The following WNK1 variants were observed in gnomAD, a reference collection of about 807,000 sequenced individuals.
The protein encoded by WNK1 is serine/threonine-protein kinase WNK1.
Under a neutral mutation model 222.8 loss-of-function variants are expected in WNK1, and 38 were observed. The observed-to-expected ratio is 0.17, with a 90% CI of 0.13 to 0.22. WNK1 has a LOEUF of 0.22. Ranked by LOEUF, WNK1 falls within the 10% of genes least tolerant of loss-of-function variation. The pLI is 1.00. For synonymous variants in WNK1, 1,090 were observed against 1,092.9 expected, an observed-to-expected ratio of 1.00 and a Z score of 0.05; for missense variants, 2,348 against 2,918.4, an observed-to-expected ratio of 0.80 and a Z score of 4.50.
chr12:785,321 A>G (rs550912954), intron 1 of WNK1, among the ~76,000 whole-genome samples: 25 of 151,646 alleles, frequency 1.6e-4, no homozygotes, highest in African/African-American at 5.8e-4. Context: ...TCTGTTTTTT[A>G]TGTTGCCCCT....
intron 8 of WNK1, among the ~76,000 whole-genome samples, chr12:864,123 T>TTTTTTTTTTTTC (rs71051398): frequency 6.8e-6 from 1 of 147,216 alleles, no homozygotes; most frequent in Non-Finnish European, 1.5e-5. Flanking sequence ...TTTTTTTTTT[T>TTTTTTTTTTTTC]TTTTGACAGC....
At chr12:888,513 G>C (rs967881413) in intron 20 of WNK1, among the ~76,000 whole-genome samples, 2 of 152,184 alleles carry the variant, frequency 1.3e-5, no homozygotes, top group Non-Finnish European at 1.5e-5. Context: ...GACTGTGCAA[G>C]AATAGATTGA....
At chr12:906,073 G>A (rs16932013) in intron 26 of WNK1, among the ~76,000 whole-genome samples, 2,641 of 152,300 alleles carry the variant, frequency 0.017, 87 homozygotes, top group African/African-American at 0.061. Flanking sequence ...TGGCAGGATT[G>A]CGTTAGGTGT....
chr12:764,958 C>T (rs1941503149), intron 1 of WNK1, among the ~76,000 whole-genome samples: 1 of 147,332 alleles, frequency 6.8e-6, no homozygotes, highest in African/African-American at 2.4e-5. Flanking sequence ...GCCTCAGCCT[C>T]CTGAGTAGCT....
intron 4 of WNK1, chr12:851,818 A>G: frequency 7.8e-7 from 1 of 1,288,074 alleles, no homozygotes; most frequent in Non-Finnish European, 1.0e-6. Flanking sequence ...AACAGTTTAT[A>G]TTGTAGCCTT....
intron 1 of WNK1, among the ~76,000 whole-genome samples, chr12:808,333 G>T (rs1946572075): frequency 6.6e-6 from 1 of 151,768 alleles, no homozygotes; most frequent in Admixed American, 6.6e-5. Flanking sequence ...TATGTTGTAG[G>T]CTGGTCTCAA....
intron 4 of WNK1, among the ~76,000 whole-genome samples, chr12:832,261 G>C (rs1390442031): frequency 3.3e-5 from 5 of 152,054 alleles, no homozygotes; most frequent in African/African-American, 1.2e-4. Flanking sequence ...ATTTTTAGTA[G>C]AGATGGGGTT....
intron 1 of WNK1, among the ~76,000 whole-genome samples, chr12:799,399 G>A (rs1312947552): frequency 2.6e-5 from 4 of 151,596 alleles, no homozygotes; most frequent in Admixed American, 2.0e-4. Flanking sequence ...CCAAAGTGCT[G>A]GGATTACAGG....
At chr12:834,391 GACTTTAT>G (rs908757676) in intron 4 of WNK1, among the ~76,000 whole-genome samples, 1 of 152,202 alleles carries the variant, frequency 6.6e-6, no homozygotes, top group African/African-American at 2.4e-5. Context: ...TGGTGAAAGA[GACTTTAT>G]CTGTTTATAG....
intron 4 of WNK1, among the ~76,000 whole-genome samples, chr12:844,757 G>C (rs1360306167): frequency 3.3e-5 from 5 of 151,942 alleles, no homozygotes; most frequent in African/African-American, 1.2e-4. Context: ...TTTCCTAAAA[G>C]TTTTCTTATG....
chr12:896,497 C>G lies in WNK1; in HGVS notation c.6010C>G (p.Pro2004Ala). The G allele has an allele frequency of 6.2e-7, 1 of 1,613,774 alleles. No homozygotes were observed. The highest frequency in any genetic ancestry group is 1.1e-5 in the South Asian group (1 of 91,046). Residue 2004 changes from proline (P) to alanine (A), a missense_variant, in exon 24 of 28, where the codon CCT becomes GCT. Physicochemically the swap from Pro to Ala is conservative, Grantham distance 27. Around this residue, in one of 13 missense-constraint regions of WNK1, gnomAD observed 1,144 missense variants for 1,273.6 expected, o/e 0.90. Coordinates refer to ENST00000315939, the MANE Select transcript of WNK1 (RefSeq NM_018979.4). Reference protein sequence around the residue: ...PKKEKPELSEPSHLNGPSSDP... With the variant: ...PKKEKPELSEASHLNGPSSDP... Reference sequence around the variant, plus strand: ...GAAAGAGAAGCCTGAACTGTCAGAGCCTTCACATCTAAATGGGCCGTCTTC... The same window carrying G: ...GAAAGAGAAGCCTGAACTGTCAGAGGCTTCACATCTAAATGGGCCGTCTTC...
intron 26 of WNK1, among the ~76,000 whole-genome samples, chr12:905,509 C>T (rs935632313): frequency 1.3e-5 from 2 of 152,158 alleles, no homozygotes; most frequent in African/African-American, 2.4e-5. Context: ...GCAATGGTCA[C>T]GCCTCCTGAG....
At chr12:847,015 A>G (rs1452245558) in intron 4 of WNK1, among the ~76,000 whole-genome samples, 1 of 152,196 alleles carries the variant, frequency 6.6e-6, no homozygotes, top group African/African-American at 2.4e-5. Context: ...AAGTTCCAGT[A>G]CTAGGGGGCT....
At chr12:804,522 G>A (rs1365361407) in intron 1 of WNK1, among the ~76,000 whole-genome samples, 6 of 151,296 alleles carry the variant, frequency 4.0e-5, no homozygotes, top group Admixed American at 6.6e-5. Context: ...ACAGGCTCCC[G>A]CTGCCACGCC....
At position 879,576 on chromosome 12, in the gene WNK1, C is replaced by A. The variant is rs1338926149; in HGVS notation, c.2377C>A (p.Pro793Thr). The A allele has an allele frequency of 2.7e-6, 4 of 1,508,270 alleles. No individual in the cohort carries two copies. The African/African-American group carries it at 5.9e-5, about 22-fold the overall frequency. The allele number at this position is 1,508,270 out of a possible 1,614,324, so 93.4% of individuals were successfully genotyped here. ...TTGTTTTTCTTTACCTTCCCAGCTT[C>A]CAGTTTCCCAGCCAGTACCAACTAT... ...LPQVSAGKQL[P>T]VSQPVPTIQG... is the part of the protein sequence containing the mutation. The change falls in exon 11 of 28, where the codon CCA becomes ACA. Residue 793 changes from proline (P) to threonine (T), a missense_variant. Coordinates refer to ENST00000315939, the MANE Select transcript of WNK1 (RefSeq NM_018979.4).
At chr12:766,484 A>G (rs1941708059) in intron 1 of WNK1, among the ~76,000 whole-genome samples, 1 of 143,128 alleles carries the variant, frequency 7.0e-6, no homozygotes, top group African/African-American at 2.5e-5. Context: ...AGCTTTGATT[A>G]TTCTTTTTTT....
At chr12:878,182 TA>T (rs1211562931) in intron 9 of WNK1, 29 bp from the exon 10 acceptor site, 2 of 1,613,884 alleles carry the variant, frequency 1.2e-6, no homozygotes, top group African/African-American at 2.7e-5. Context: ...TGATTTGAAA[TA>T]AAACTGAATC....
At chr12:864,661 C>T (rs1416626698) in intron 8 of WNK1, among the ~76,000 whole-genome samples, 1 of 152,112 alleles carries the variant, frequency 6.6e-6, no homozygotes, top group Non-Finnish European at 1.5e-5. Context: ...AGAGCTCTTG[C>T]AAAATAATCC....
At chr12:765,598 A>AATTT (rs1941596787) in intron 1 of WNK1, among the ~76,000 whole-genome samples, 1 of 137,826 alleles carries the variant, frequency 7.3e-6, no homozygotes. Context: ...GGAATGTGCT[A>AATTT]TATCCAGATC....
Sources: gnomAD v4.1 joint callset for allele counts (sites outside exome capture counted in the v4.1 genomes callset) on GRCh38, gnomAD v4.1.1 for gene constraint, gnomAD v4.1.1 regional missense constraint, MANE v1.5 for transcripts, NCBI Gene and HGNC (gene_info 2026-07-23, HGNC 2026-07-21) for gene names.